MTCL1: variants seen among roughly 807,000 people sequenced by gnomAD.
The protein encoded by MTCL1 is microtubule crosslinking factor 1, also known as microtubule cross-linking factor 1.
In MTCL1, 79 loss-of-function variants were observed where a neutral mutation model predicts 141.4. The observed-to-expected ratio is 0.56, with a 90% CI of 0.47 to 0.67. MTCL1 has a LOEUF of 0.67. MTCL1 is among the 30% of genes least tolerant of loss of function. MTCL1 has a pLI of 0.00. For synonymous variants in MTCL1, 914 were observed against 875.8 expected, an observed-to-expected ratio of 1.04 and a Z score of -0.77; for missense variants, 2,177 against 2,113.9, an observed-to-expected ratio of 1.03 and a Z score of -0.59.
At chr18:8,805,715 C>T (rs2076276340) in intron 10 of MTCL1, among the ~76,000 whole-genome samples, 1 of 152,112 alleles carries the variant, frequency 6.6e-6, no homozygotes, top group Non-Finnish European at 1.5e-5. Context: ...TAGAGCTTAT[C>T]TATGTCCAGT....
At chr18:8,756,207 T>C (rs971316076) in intron 4 of MTCL1, among the ~76,000 whole-genome samples, 3 of 152,184 alleles carry the variant, frequency 2.0e-5, no homozygotes, top group African/African-American at 7.2e-5. Flanking sequence ...GGTCAGGGCC[T>C]TTCTGGAGGT....
At chr18:8,806,227 A>G (rs1414693491) in intron 10 of MTCL1, among the ~76,000 whole-genome samples, 1 of 152,180 alleles carries the variant, frequency 6.6e-6, no homozygotes, top group African/African-American at 2.4e-5. Flanking sequence ...TTTGGCTTTA[A>G]TTATTAAACA....
chr18:8,784,968 TA>T (rs1289553236), intron 6 of MTCL1, 125 bp downstream of exon 5: 1 of 789,638 alleles, frequency 1.3e-6, no homozygotes, highest in Non-Finnish European at 1.8e-6. Flanking sequence ...TGCATTGTAC[TA>T]AAGCCTCCGG....
intron 16 of MTCL1, chr18:8,829,261 A>G: frequency 6.1e-6 from 6 of 985,454 alleles, no homozygotes; most frequent in Non-Finnish European, 7.2e-6. Context: ...AGAATTGAGT[A>G]GATACTGGCC....
intron 4 of MTCL1, among the ~76,000 whole-genome samples, chr18:8,757,369 C>G (rs970907861): frequency 6.6e-6 from 1 of 152,182 alleles, no homozygotes; most frequent in African/African-American, 2.4e-5. Context: ...TCAGGAGTAG[C>G]CGCTGTAGGA....
intron 4 of MTCL1, among the ~76,000 whole-genome samples, chr18:8,731,039 A>G (rs1158114175): frequency 6.6e-6 from 1 of 151,728 alleles, no homozygotes; most frequent in African/African-American, 2.4e-5. Context: ...AGGTCAGGAG[A>G]TCAAGACCAT....
At chr18:8,716,521 TTA>T (rs2096129110), upstream of MTCL1, among the ~76,000 whole-genome samples, 1 of 152,058 alleles carries the variant, frequency 6.6e-6, no homozygotes, top group African/African-American at 2.4e-5. Context: ...TTTCTTGTAC[TTA>T]ATCTTACCTA....
At chr18:8,812,137 G>C (rs2076508073) in intron 11 of MTCL1, among the ~76,000 whole-genome samples, 1 of 152,138 alleles carries the variant, frequency 6.6e-6, no homozygotes, top group East Asian at 1.9e-4. Flanking sequence ...TATTAAAACA[G>C]AAAATAATGA....
At chr18:8,716,981 A>G (rs1441251054), upstream of MTCL1, among the ~76,000 whole-genome samples, 1 of 152,188 alleles carries the variant, frequency 6.6e-6, no homozygotes, top group Admixed American at 6.5e-5. Context: ...AGAAGCTTTC[A>G]TCACTGGGCT....
intron 4 of MTCL1, among the ~76,000 whole-genome samples, chr18:8,766,297 G>GTCATTTAGAAGACAA (rs1555645622): frequency 1.4e-5 from 2 of 147,426 alleles, no homozygotes; most frequent in Non-Finnish European, 3.0e-5. Context: ...CCTGTTGTGT[G>GTCATTTAGAAGACAA]AGCTGATCCA....
chr18:8,715,310 A>G (rs16954004), upstream of MTCL1, among the ~76,000 whole-genome samples: 2,113 of 152,234 alleles, frequency 0.014, 54 homozygotes, highest in African/African-American at 0.048. Flanking sequence ...GAGACATTTT[A>G]TACCTGGAAG....
chr18:8,733,802 G>T (rs1203890363), intron 4 of MTCL1, among the ~76,000 whole-genome samples: 1 of 152,128 alleles, frequency 6.6e-6, no homozygotes, highest in Non-Finnish European at 1.5e-5. Flanking sequence ...CAGCTGGCTG[G>T]GTCAGTGGTG....
chr18:8,813,237 A>G lies in MTCL1; in HGVS notation c.2859+4A>G. On this transcript the variant is annotated splice_donor_region_variant and intron_variant, in intron 12 of 16. Transcript: ENST00000359865. Reference sequence around the variant, plus strand: ...ATTCTTGTGGAGGATAGAGCAGGTAAGGAGGCACCCCGGGGCCCTGGAGCA... The same window carrying G: ...ATTCTTGTGGAGGATAGAGCAGGTAGGGAGGCACCCCGGGGCCCTGGAGCA... 1 of 1,610,218 alleles carries G rather than the reference A, an allele frequency of 6.2e-7. No individual in the cohort carries two copies. The highest frequency in any genetic ancestry group is 8.5e-7 in the Non-Finnish European group (1 of 1,178,354).
rs1013504208 is a variant in MTCL1, at chr18:8,810,759, A to G, written c.2605-2220A>G. Among the ~76,000 whole-genome samples, 4 of 152,056 alleles carry G rather than the reference A, an allele frequency of 2.6e-5. No individual in the cohort carries two copies. The highest frequency in any genetic ancestry group is 9.7e-5 in the African/African-American group (4 of 41,382). ...CCTCTTTTGTTTCTGCATTCTTTCT[A>G]CTTAGAAAAAGTTTTATTTTCCCCA... On this transcript the variant is annotated intron_variant, in intron 11 of 16. Transcript: ENST00000359865. This position sits in a 1 kb window ranked among gnomAD's most constrained non-coding sequence, Gnocchi z 5.0.
At chr18:8,756,359 ATG>A (rs1454843625) in intron 4 of MTCL1, among the ~76,000 whole-genome samples, 2 of 132,434 alleles carry the variant, frequency 1.5e-5, no homozygotes, top group African/African-American at 8.3e-5. Flanking sequence ...ATGTGTATAT[ATG>A]TATATATGTG....
chr18:8,816,910 G>C (rs1293251667), intron 12 of MTCL1, among the ~76,000 whole-genome samples: 22 of 152,160 alleles, frequency 1.4e-4, no homozygotes, highest in Non-Finnish European at 1.5e-4. Context: ...CTGAGGACTC[G>C]TTCTATTACA....
At chr18:8,765,621 G>T (rs2096456201) in intron 4 of MTCL1, among the ~76,000 whole-genome samples, 1 of 152,198 alleles carries the variant, frequency 6.6e-6, no homozygotes, top group African/African-American at 2.4e-5. Context: ...CAACAGGAGG[G>T]TGCTGCAGCT....
exon 6 of MTCL1, chr18:8,784,411 A>C (rs760420422): frequency 1.3e-6 from 2 of 1,527,672 alleles, no homozygotes; most frequent in Non-Finnish European, 1.8e-6. Context: ...GCGGGAAGCC[A>C]TCGGAGGCCA....
At chr18:8,706,486 G>A (rs1598334294) in exon 1 of MTCL1, 1 of 1,268,968 alleles carries the variant, frequency 7.9e-7, no homozygotes, top group Non-Finnish European at 9.9e-7. Flanking sequence ...GCCCCTCGCC[G>A]CGGGCGCCTG....
Sources: allele counts gnomAD v4.1 joint callset (sites outside exome capture counted in the v4.1 genomes callset), GRCh38; gene constraint gnomAD v4.1.1; non-coding constraint Gnocchi (gnomAD v3.1); transcripts MANE v1.5; gene names NCBI Gene and HGNC (gene_info 2026-07-23, HGNC 2026-07-21).